The following CDH13 variants were observed in gnomAD, a reference collection of about 807,000 sequenced individuals.
CDH13 encodes the protein cadherin-13.
A neutral mutation model predicts 63.8 loss-of-function variants in CDH13; 24 were observed. The ratio of observed to expected loss-of-function variants is 0.38; its 90% CI spans 0.27 to 0.53. The LOEUF (loss-of-function observed/expected upper bound fraction) is 0.53. CDH13 is among the 20% of genes least tolerant of loss of function. The pLI, the probability that CDH13 is intolerant of heterozygous loss-of-function variation, is 0.85. For synonymous variants in CDH13, 503 were observed against 355.3 expected (o/e 1.42, Z -4.67); for missense variants, 1,049 against 903.1 (o/e 1.16, Z -2.07).
At chr16:83,176,556 C>A (rs139803329) in intron 4 of CDH13, among the ~76,000 whole-genome samples, 3,804 of 146,018 alleles carry the variant, frequency 0.026, 146 homozygotes, top group African/African-American at 0.09. Flanking sequence ...TTAATCTGTT[C>A]TATAGGTGTT....
intron 2 of CDH13, among the ~76,000 whole-genome samples, chr16:82,996,673 G>T (rs1294946146): frequency 1.3e-5 from 2 of 152,144 alleles, no homozygotes; most frequent in African/African-American, 4.8e-5. Flanking sequence ...GAAATATTAG[G>T]AAATTTATTT....
intron 6 of CDH13, among the ~76,000 whole-genome samples, chr16:83,366,949 G>A (rs1434698735): frequency 6.6e-6 from 1 of 151,414 alleles, no homozygotes; most frequent in Non-Finnish European, 1.5e-5. Flanking sequence ...CTTTGTTTTT[G>A]GCATATAACA....
intron 11 of CDH13, among the ~76,000 whole-genome samples, chr16:83,779,312 C>T (rs1314045232): frequency 7.2e-6 from 1 of 137,984 alleles, no homozygotes; most frequent in African/African-American, 2.7e-5. Flanking sequence ...GAGGCTGAGG[C>T]AGGGGAATCG....
At chr16:83,021,047 G>T (rs1049497256) in intron 2 of CDH13, among the ~76,000 whole-genome samples, 1 of 152,176 alleles carries the variant, frequency 6.6e-6, no homozygotes, top group Non-Finnish European at 1.5e-5. Flanking sequence ...TGTCAGAGAC[G>T]TGTGCCAGTC....
chr16:82,632,937 C>T (rs993460703), intron 1 of CDH13, among the ~76,000 whole-genome samples: 7 of 152,164 alleles, frequency 4.6e-5, no homozygotes, highest in Non-Finnish European at 1.0e-4. Context: ...CGACCTAGAT[C>T]CCATGCACGC....
intron 4 of CDH13, among the ~76,000 whole-genome samples, chr16:83,165,777 A>G (rs1597450481): frequency 1.3e-5 from 2 of 152,152 alleles, no homozygotes; most frequent in South Asian, 4.2e-4. Flanking sequence ...CCTAGAATTC[A>G]GGAGAGAAGG....
chr16:82,991,511 T>A (rs2151405724), intron 2 of CDH13, among the ~76,000 whole-genome samples: 1 of 152,298 alleles, frequency 6.6e-6, no homozygotes, highest in East Asian at 1.9e-4. Flanking sequence ...TTCATCTCTT[T>A]CCTGCCCAAG....
At chr16:83,648,809 C>T (rs1912083743) in intron 8 of CDH13, among the ~76,000 whole-genome samples, 1 of 152,074 alleles carries the variant, frequency 6.6e-6, no homozygotes, top group South Asian at 2.1e-4. Context: ...CCTTATCTAT[C>T]CCCCTTTTTC....
chr16:83,216,427 T>TATATATATATATAA (rs1555513892), intron 4 of CDH13, among the ~76,000 whole-genome samples: 2,068 of 45,002 alleles, frequency 0.046, 433 homozygotes, highest in Non-Finnish European at 0.063. Flanking sequence ...TATATATATA[T>TATATATATATATAA]ATATATATAT....
intron 2 of CDH13, among the ~76,000 whole-genome samples, chr16:82,970,693 A>G (rs933209545): frequency 6.6e-6 from 1 of 152,126 alleles, no homozygotes; most frequent in African/African-American, 2.4e-5. Flanking sequence ...GGCTCAGCTT[A>G]AACCTTACCT....
intron 1 of CDH13, among the ~76,000 whole-genome samples, chr16:82,842,570 T>A (rs1397052943): frequency 6.6e-6 from 1 of 152,100 alleles, no homozygotes; most frequent in African/African-American, 2.4e-5. Context: ...ATTTTGCTGT[T>A]TCTATGAGGT....
chr16:83,590,181 G>A (rs1327762183), intron 7 of CDH13, among the ~76,000 whole-genome samples: 2 of 152,180 alleles, frequency 1.3e-5, no homozygotes, highest in African/African-American at 2.4e-5. Context: ...TTGGTCAGAT[G>A]GTAGCTGGAC....
At chr16:82,768,012 A>C (rs2035126356) in intron 1 of CDH13, among the ~76,000 whole-genome samples, 1 of 151,850 alleles carries the variant, frequency 6.6e-6, no homozygotes, top group Admixed American at 6.6e-5. Flanking sequence ...ACCATCCCTG[A>C]GTCATGGGCG....
chr16:82,719,366 G>A, intron 1 of CDH13: 1 of 455,862 alleles, frequency 2.2e-6, no homozygotes, highest in Non-Finnish European at 4.4e-6. Flanking sequence ...TTGGAGTCAG[G>A]TGGTCCTGTG....
At chr16:82,915,958 T>C (rs1231015842) in intron 2 of CDH13, among the ~76,000 whole-genome samples, 4 of 151,650 alleles carry the variant, frequency 2.6e-5, no homozygotes, top group African/African-American at 9.7e-5. Context: ...AGCTTGTGCT[T>C]TAAAGGAGGT....
chr16:82,800,277 GTAGGT>G (rs2036787455), intron 1 of CDH13, among the ~76,000 whole-genome samples: 1 of 152,144 alleles, frequency 6.6e-6, no homozygotes, highest in Admixed American at 6.5e-5. Flanking sequence ...GTCTCATTCA[GTAGGT>G]TAGGTCTCCT....
intron 6 of CDH13, among the ~76,000 whole-genome samples, chr16:83,414,736 A>G (rs2092175855): frequency 1.3e-5 from 2 of 152,194 alleles, no homozygotes; most frequent in South Asian, 2.1e-4. Flanking sequence ...ATGTTGTTGC[A>G]TATTGCAGAA....
At chr16:83,531,124 A>ACCATGGTAG (rs2075074435) in intron 7 of CDH13, among the ~76,000 whole-genome samples, 1 of 152,202 alleles carries the variant, frequency 6.6e-6, no homozygotes, top group Admixed American at 6.5e-5. Flanking sequence ...AACTGCCACC[A>ACCATGGTAG]CCATGGTAGC....
intron 6 of CDH13, among the ~76,000 whole-genome samples, chr16:83,416,200 A>T (rs1177702905): frequency 6.6e-6 from 1 of 152,244 alleles, no homozygotes; most frequent in Non-Finnish European, 1.5e-5. Context: ...AAGACAGTGA[A>T]AGACATGTAT....
Sources: gnomAD v4.1 joint callset for allele counts (sites outside exome capture counted in the v4.1 genomes callset) on GRCh38, gnomAD v4.1.1 for gene constraint, MANE v1.5 for transcripts, NCBI Gene and HGNC (gene_info 2026-07-23, HGNC 2026-07-21) for gene names.